IQGAP1: variants seen among roughly 807,000 people sequenced by gnomAD.
IQGAP1 encodes the protein ras GTPase-activating-like protein IQGAP1.
In IQGAP1, 66 loss-of-function variants were observed where a neutral mutation model predicts 215.6. The observed-to-expected ratio is 0.31, with a 90% CI of 0.25 to 0.38. IQGAP1 has a LOEUF of 0.38. Ranked by LOEUF, IQGAP1 falls within the 10% of genes least tolerant of loss-of-function variation. The pLI is 1.00. For synonymous variants in IQGAP1, 772 were observed against 728.7 expected, an observed-to-expected ratio of 1.06 and a Z score of -0.96; for missense variants, 1,712 against 1,997.1, an observed-to-expected ratio of 0.86 and a Z score of 2.72.
At chr15:90,391,060 A>G in intron 2 of IQGAP1, 187 bp downstream of exon 2, 1 of 494,488 alleles carries the variant, frequency 2.0e-6, no homozygotes, top group Non-Finnish European at 3.7e-6. Flanking sequence ...ACATAGTGAC[A>G]CCCCATCTCT....
chr15:90,470,004 T>C (rs1965884168), intron 18 of IQGAP1, among the ~76,000 whole-genome samples: 2 of 152,164 alleles, frequency 1.3e-5, no homozygotes, highest in South Asian at 4.1e-4. Flanking sequence ...GATTTTTAAC[T>C]CTTGTTAGTT....
At chr15:90,481,831 G>A in intron 26 of IQGAP1, 129 bp from the exon 27 acceptor site, 1 of 924,720 alleles carries the variant, frequency 1.1e-6, no homozygotes, top group Non-Finnish European at 1.6e-6. Flanking sequence ...TCACTTACCA[G>A]CCCCGTGAGG....
intron 36 of IQGAP1, 67 bp downstream of exon 36, chr15:90,494,902 TG>T: frequency 8.5e-7 from 1 of 1,178,904 alleles, no homozygotes; most frequent in South Asian, 1.4e-5. Context: ...TTTGCCTTTT[TG>T]TCTTCATTTC....
chr15:90,429,690 T>G, intron 4 of IQGAP1, 24 bp downstream of exon 4: 1 of 1,497,396 alleles, frequency 6.7e-7, no homozygotes, highest in Non-Finnish European at 9.2e-7. Context: ...GATAATAGTT[T>G]AGGCTTTGTT....
chr15:90,395,791 G>A (rs1457184277), intron 2 of IQGAP1, among the ~76,000 whole-genome samples: 1 of 152,236 alleles, frequency 6.6e-6, no homozygotes, highest in African/African-American at 2.4e-5. Flanking sequence ...AGGCAGGACA[G>A]AACAGGGAAT....
At chr15:90,399,342 C>T (rs1378350610) in intron 2 of IQGAP1, among the ~76,000 whole-genome samples, 1 of 152,092 alleles carries the variant, frequency 6.6e-6, no homozygotes, top group Non-Finnish European at 1.5e-5. Flanking sequence ...GCTTTGATTG[C>T]TGGAGAGTTT....
At chr15:90,388,440 A>C in intron 1 of IQGAP1, 44 bp downstream of exon 1, 1 of 1,030,964 alleles carries the variant, frequency 9.7e-7, no homozygotes, top group Non-Finnish European at 1.3e-6. Flanking sequence ...GGCTGGGCTA[A>C]TTGCAGACGA....
rs202140115 is a variant in IQGAP1, at chr15:90,468,081, T to TG, written c.2178+489_2178+490insG. On this transcript the variant is annotated intron_variant, in intron 18 of 37. Transcript: ENST00000268182. ...GTTTGTTTGTTTGTTTTTTGTTTTT[T>TG]TTTTGAAACAGAGTCTCACTGTGTC... 4.6e-3 allele frequency among the ~76,000 whole-genome samples: 705 copies of TG among 152,210 alleles called. 3 individuals carry two copies. Among genetic ancestry groups the TG allele is most frequent in the Middle Eastern group, 0.014 (4 of 294 alleles).
At chr15:90,456,892 A>AT (rs755481827) in intron 15 of IQGAP1, among the ~76,000 whole-genome samples, 1 of 130,322 alleles carries the variant, frequency 7.7e-6, no homozygotes, top group Admixed American at 7.5e-5. Context: ...CGTCTCAAAA[A>AT]AATATATATA....
At chr15:90,397,147 C>A (rs976169994) in intron 2 of IQGAP1, among the ~76,000 whole-genome samples, 1 of 152,164 alleles carries the variant, frequency 6.6e-6, no homozygotes, top group Admixed American at 6.5e-5. Context: ...AGCCACTGCA[C>A]CCAGCCTAGC....
Position 90,414,653 on chromosome 15 carries a change from G to A in IQGAP1, c.156-11457G>A, listed in dbSNP as rs144032714. ...TGTCTCTTTCACCTCTTAAGTGTTG[G>A]TGTTCTCTGAGGCACAGTGCTTCAG... On this transcript the variant is annotated intron_variant, in intron 2 of 37. Coordinates refer to ENST00000268182, the MANE Select transcript of IQGAP1 (RefSeq NM_003870.4). 7.9e-3 allele frequency among the ~76,000 whole-genome samples: 1,201 copies of A among 152,102 alleles called. 54 individuals carry two copies. The highest frequency in any genetic ancestry group is 0.073 in the Admixed American group (1,118 of 15,274).
rs774843914 is a variant in IQGAP1, at chr15:90,441,559, G to A, written c.703G>A (p.Asp235Asn). ...AGCTATTGACCGTAGAATTCCAGCCGACACATTTGCAGCTTTGAAAAATCC... is the reference window on the plus strand; with the variant it reads ...AGCTATTGACCGTAGAATTCCAGCCAACACATTTGCAGCTTTGAAAAATCC... The part of the protein sequence containing the change: ...NEAIDRRIPA[D>N]TFAALKNPNA... Residue 235 changes from aspartate (D) to asparagine (N), a missense_variant, in exon 8 of 38, where the codon GAC (aspartate) becomes AAC (asparagine). Physicochemically the swap from Asp to Asn is conservative, Grantham distance 23 (BLOSUM62 1). Coordinates refer to ENST00000268182, the MANE Select transcript of IQGAP1 (RefSeq NM_003870.4). 1.1e-5 allele frequency: 17 copies of A among 1,613,330 alleles called. No individual in the cohort carries two copies. The highest frequency in any genetic ancestry group is 6.7e-5 in the East Asian group (3 of 44,880).
intron 15 of IQGAP1, among the ~76,000 whole-genome samples, chr15:90,461,369 T>C (rs1316324187): frequency 6.6e-6 from 1 of 152,212 alleles, no homozygotes; most frequent in Non-Finnish European, 1.5e-5. Flanking sequence ...TTGTTTTTCA[T>C]GGTGGAGAGG....
At chr15:90,487,456 C>G (rs1436008168) in intron 32 of IQGAP1, 39 bp from the exon 33 acceptor site, 1 of 1,434,472 alleles carries the variant, frequency 7.0e-7, no homozygotes, top group Non-Finnish European at 9.8e-7. Context: ...GGAACTAGAA[C>G]ACTGGTAATA....
At chr15:90,497,989 C>G (rs890426822) in intron 37 of IQGAP1, among the ~76,000 whole-genome samples, 3 of 152,080 alleles carry the variant, frequency 2.0e-5, no homozygotes, top group Non-Finnish European at 1.5e-5. Context: ...CCTGCCAGCC[C>G]GGGCAGGTGC....
chr15:90,412,806 A>T (rs1964985781), intron 2 of IQGAP1, among the ~76,000 whole-genome samples: 1 of 152,164 alleles, frequency 6.6e-6, no homozygotes, highest in African/African-American at 2.4e-5. Flanking sequence ...GCTGTGCAAG[A>T]TGGGTGTGGT....
At chr15:90,494,616 G>A in intron 35 of IQGAP1, 97 bp from the exon 36 acceptor site, 2 of 1,029,002 alleles carry the variant, frequency 1.9e-6, no homozygotes, top group Non-Finnish European at 2.8e-6. Flanking sequence ...GCTTATGTCT[G>A]GAAGTTTGGT....
chr15:90,388,511 G>A, intron 1 of IQGAP1, 115 bp downstream of exon 1: 1 of 929,346 alleles, frequency 1.1e-6, no homozygotes, highest in Non-Finnish European at 1.5e-6. Flanking sequence ...CGGCAGCTCG[G>A]ACCCGGAAGA....
rs557366937 is a variant in IQGAP1, at chr15:90,432,168, G to T, written c.391-1551G>T. ...TCCTTGGATAGCTTTCTGTCACCTAGAATTTTTCATATCTAAAACTAAATC... is the reference window on the plus strand; with the variant it reads ...TCCTTGGATAGCTTTCTGTCACCTATAATTTTTCATATCTAAAACTAAATC... On this transcript the variant is annotated intron_variant, in intron 4 of 37. Coordinates refer to ENST00000268182, the MANE Select transcript of IQGAP1 (RefSeq NM_003870.4). Among the ~76,000 whole-genome samples the T allele has an allele frequency of 1.4e-3, 220 of 152,196 alleles. 2 individuals are homozygous for T. Among genetic ancestry groups the T allele is most frequent in the African/African-American group, 5.2e-3 (214 of 41,532 alleles).
Sources: gnomAD v4.1 joint callset for allele counts (sites outside exome capture counted in the v4.1 genomes callset) on GRCh38, gnomAD v4.1.1 for gene constraint, MANE v1.5 for transcripts, NCBI Gene and HGNC (gene_info 2026-07-23, HGNC 2026-07-21) for gene names.